Variants in CDH18 observed in about 807,000 individuals in gnomAD.
CDH18 encodes the protein cadherin-18.
CDH18 carries 31 observed loss-of-function variants against 67.9 expected under a neutral mutation model. The observed-to-expected ratio is 0.46, with a 90% CI of 0.34 to 0.62. CDH18 has a LOEUF of 0.62. Among genes scored for constraint, CDH18 ranks in the 20% least tolerant of loss-of-function variants. CDH18 has a pLI of 0.01. For missense variants in CDH18, 890 were observed against 975.5 expected (o/e 0.91, Z 1.17); for synonymous variants, 362 against 347.2 (o/e 1.04, Z -0.48).
chr5:19,852,397 G>A (rs1731183847), intron 2 of CDH18, among the ~76,000 whole-genome samples: 1 of 151,956 alleles, frequency 6.6e-6, no homozygotes, highest in Non-Finnish European at 1.5e-5. Flanking sequence ...ATTATTATTA[G>A]CATCATCAGT....
intron 2 of CDH18, among the ~76,000 whole-genome samples, chr5:20,096,088 G>A (rs1745967756): frequency 6.6e-6 from 1 of 152,026 alleles, no homozygotes; most frequent in South Asian, 2.1e-4. Context: ...AATAATTTAA[G>A]AGATATTGAC....
At chr5:20,325,126 T>C (rs1014458903) in intron 1 of CDH18, among the ~76,000 whole-genome samples, 2 of 152,250 alleles carry the variant, frequency 1.3e-5, no homozygotes, top group African/African-American at 4.8e-5. Context: ...AGTTCCCCGT[T>C]GGCAATGATC....
chr5:20,473,283 C>G (rs900012016), intron 1 of CDH18, among the ~76,000 whole-genome samples: 5 of 152,098 alleles, frequency 3.3e-5, no homozygotes, highest in Non-Finnish European at 1.5e-5. Flanking sequence ...TGCTCAGTAA[C>G]TCAAACTGTT....
chr5:19,727,096 G>A (rs1766940873), intron 4 of CDH18, among the ~76,000 whole-genome samples: 1 of 152,044 alleles, frequency 6.6e-6, no homozygotes, highest in Non-Finnish European at 1.5e-5. Flanking sequence ...TCTGTTATGT[G>A]AGCCCAAATA....
intron 3 of CDH18, among the ~76,000 whole-genome samples, chr5:19,784,625 C>T (rs1189188432): frequency 6.6e-6 from 1 of 152,124 alleles, no homozygotes; most frequent in Non-Finnish European, 1.5e-5. Flanking sequence ...GAATCTATAA[C>T]TTTATTAAAT....
intron 1 of CDH18, among the ~76,000 whole-genome samples, chr5:20,566,909 C>T (rs573104579): frequency 2.0e-5 from 3 of 152,240 alleles, no homozygotes; most frequent in African/African-American, 7.2e-5. Flanking sequence ...ATTGGAAAAG[C>T]GATTGCATAC....
At chr5:20,350,319 TATG>T (rs1357497945) in intron 1 of CDH18, among the ~76,000 whole-genome samples, 4 of 152,158 alleles carry the variant, frequency 2.6e-5, no homozygotes, top group African/African-American at 9.6e-5. Flanking sequence ...ATATGTGTTT[TATG>T]ATATGTTTCA....
chr5:19,996,723 A>G (rs1736051794), intron 2 of CDH18, among the ~76,000 whole-genome samples: 1 of 152,080 alleles, frequency 6.6e-6, no homozygotes, highest in Middle Eastern at 3.7e-3. Context: ...TTCTGTTCAT[A>G]TCCATTTCTC....
In CDH18 at chr5:19,998,570, T is replaced by C. The variant is rs192635010; in HGVS notation, c.-517-6556A>G. ...TAAGAGAACAATTCAGAGTTCAACA[T>C]AAAATTTGAGGAGACATTTATATAT... On this transcript the variant is annotated intron_variant, in intron 2 of 14. Transcript: ENST00000507958. Among the ~76,000 whole-genome samples the C allele has an allele frequency of 4.6e-5, 7 of 152,276 alleles. No individual in the cohort carries two copies. In the East Asian group the frequency reaches 1.4e-3, roughly 29 times the overall value.
At chr5:20,125,374 T>C (rs1748737391) in intron 2 of CDH18, among the ~76,000 whole-genome samples, 1 of 152,030 alleles carries the variant, frequency 6.6e-6, no homozygotes, top group Non-Finnish European at 1.5e-5. Context: ...GTTGACTAGG[T>C]GATTTGGTAT....
intron 2 of CDH18, among the ~76,000 whole-genome samples, chr5:20,084,150 C>T (rs1744732574): frequency 6.6e-6 from 1 of 152,184 alleles, no homozygotes; most frequent in Non-Finnish European, 1.5e-5. Flanking sequence ...AGTTTAGTTA[C>T]TTCCTAGATA....
intron 2 of CDH18, among the ~76,000 whole-genome samples, chr5:19,993,719 TAGAC>T (rs1213167823): frequency 6.6e-6 from 1 of 152,036 alleles, no homozygotes; most frequent in African/African-American, 2.4e-5. Context: ...CGCATATAGA[TAGAC>T]AAATATATAG....
chr5:19,849,555 C>G (rs890367781), intron 2 of CDH18, among the ~76,000 whole-genome samples: 2 of 149,814 alleles, frequency 1.3e-5, no homozygotes, highest in Non-Finnish European at 3.0e-5. Flanking sequence ...TATTTATGTA[C>G]CAATGAAGTA....
At chr5:20,203,966 A>G (rs1739671912) in intron 2 of CDH18, among the ~76,000 whole-genome samples, 1 of 152,104 alleles carries the variant, frequency 6.6e-6, no homozygotes, top group African/African-American at 2.4e-5. Context: ...AAAAAGAAAA[A>G]AAGAATGAGA....
At chr5:20,323,048 T>C (rs1298232681) in intron 1 of CDH18, among the ~76,000 whole-genome samples, 4 of 152,130 alleles carry the variant, frequency 2.6e-5, no homozygotes, top group Admixed American at 6.5e-5. Context: ...GACCTGGATA[T>C]GGTCTGTATT....
chr5:20,263,171 C>T lies in CDH18; in HGVS notation c.-579-7666G>A, dbSNP rs374892172. On this transcript the variant is annotated intron_variant, in intron 1 of 14. Transcript: ENST00000507958. ...ATTCATTGTGCAGAAATCAGAACTA[C>T]GCATGAAGCTCTAATACTGTGTTAT... Among the ~76,000 whole-genome samples the T allele has an allele frequency of 2.2e-4, 33 of 152,218 alleles. No individual in the cohort carries two copies. In the South Asian group the frequency reaches 4.8e-3, roughly 22 times the overall value.
At chr5:19,642,410 T>C (rs1754138924) in intron 5 of CDH18, among the ~76,000 whole-genome samples, 1 of 151,990 alleles carries the variant, frequency 6.6e-6, no homozygotes, top group African/African-American at 2.4e-5. Context: ...ACTAACATGC[T>C]CTCTGATTTC....
chr5:20,525,048 CCT>C lies in CDH18; in HGVS notation c.-580+50412_-580+50413del, dbSNP rs551894130. ...CTGATGTTGGCTTGCGAACTTATTC[CCT>C]GTTTAGGAACTTGAATGCAACAACC... On this transcript the variant is annotated intron_variant, in intron 1 of 14. Transcript: ENST00000507958. 2.5e-4 allele frequency among the ~76,000 whole-genome samples: 38 copies of C among 152,202 alleles called. 1 individual carries two copies. The South Asian group carries it at 7.9e-3, about 32-fold the overall frequency.
chr5:20,351,191 T>TGTGTGTGCGC (rs1420969028), intron 1 of CDH18, among the ~76,000 whole-genome samples: 37 of 148,680 alleles, frequency 2.5e-4, no homozygotes, highest in Admixed American at 1.3e-3. Flanking sequence ...TGTGTGTGTG[T>TGTGTGTGCGC]GCGTGTGTGT....
Sources: gnomAD v4.1 joint callset for allele counts (sites outside exome capture counted in the v4.1 genomes callset) on GRCh38, gnomAD v4.1.1 for gene constraint, MANE v1.5 for transcripts, NCBI Gene and HGNC (gene_info 2026-07-23, HGNC 2026-07-21) for gene names.